Variants in FLVCR1 observed in about 807,000 individuals in gnomAD.
FLVCR1 encodes the protein choline/ethanolamine transporter FLVCR1.
FLVCR1 carries 34 observed loss-of-function variants against 53.6 expected under a neutral mutation model. That is an observed-to-expected ratio of 0.63 (90% CI 0.48 to 0.84). The LOEUF is 0.84. FLVCR1 is among the 40% of genes least tolerant of loss of function. FLVCR1 has a pLI of 0.00. For synonymous variants in FLVCR1, 300 were observed against 286.3 expected (o/e 1.05, Z -0.48); for missense variants, 677 against 696.7 (o/e 0.97, Z 0.32).
chr1:212,876,762 G>A (rs540974647), intron 3 of FLVCR1, among the ~76,000 whole-genome samples: 38 of 152,262 alleles, frequency 2.5e-4, no homozygotes, highest in African/African-American at 8.7e-4. Flanking sequence ...GGTTGATTCC[G>A]TGTCTTTGCT....
intron 3 of FLVCR1, among the ~76,000 whole-genome samples, chr1:212,873,826 C>A (rs141443684): frequency 6.6e-6 from 1 of 152,196 alleles, no homozygotes; most frequent in African/African-American, 2.4e-5. Flanking sequence ...CCAATTAAGT[C>A]CGGACCTAAA....
chr1:212,888,364 A>G lies in FLVCR1; in HGVS notation c.1308-125A>G. 5 of 743,536 alleles carry G rather than the reference A, an allele frequency of 6.7e-6. No homozygotes were observed. The East Asian group carries it at 1.0e-4, about 16-fold the overall frequency. 46.1% of individuals were successfully genotyped at this position (743,536 alleles called of 1,614,324 possible). ...AATGATAATAGTTCCTTACTTTGAC[A>G]TAGCAACTTCAAAATATTCACTTAT... is the stretch of plus-strand genomic sequence containing the variant. On this transcript the variant is annotated intron_variant, in intron 6 of 9. Transcript: ENST00000366971.
chr1:212,868,544 G>T (rs1280064616), intron 2 of FLVCR1, among the ~76,000 whole-genome samples: 1 of 152,184 alleles, frequency 6.6e-6, no homozygotes. Context: ...CGAGTAGCTG[G>T]AATTACAGGC....
At chr1:212,865,001 G>A (rs1471063646) in intron 2 of FLVCR1, among the ~76,000 whole-genome samples, 1 of 151,866 alleles carries the variant, frequency 6.6e-6, no homozygotes, top group Non-Finnish European at 1.5e-5. Context: ...GTTGGTTTTG[G>A]TTTTCAGTTA....
intron 3 of FLVCR1, among the ~76,000 whole-genome samples, chr1:212,874,017 A>AT (rs1407691824): frequency 1.3e-5 from 2 of 151,980 alleles, no homozygotes; most frequent in African/African-American, 2.4e-5. Context: ...CCTGGAATGT[A>AT]TTTTTTTAAG....
chr1:212,882,302 A>T (rs977917842), intron 3 of FLVCR1, among the ~76,000 whole-genome samples: 1 of 152,236 alleles, frequency 6.6e-6, no homozygotes, highest in African/African-American at 2.4e-5. Context: ...TGTACAACAG[A>T]AAACTAATGA....
chr1:212,894,109 G>GC (rs1665272391), intron 8 of FLVCR1, among the ~76,000 whole-genome samples: 3 of 88,240 alleles, frequency 3.4e-5, no homozygotes, highest in Non-Finnish European at 5.5e-5. Context: ...CATGTAGATT[G>GC]ATTTTTTTTT....
intron 1 of FLVCR1, among the ~76,000 whole-genome samples, chr1:212,863,216 A>C (rs1486984804): frequency 1.3e-5 from 2 of 152,214 alleles, no homozygotes; most frequent in Non-Finnish European, 2.9e-5. Flanking sequence ...GATGGTAGGA[A>C]CTCAGTAAAT....
At chr1:212,872,595 T>G (rs1664631424) in intron 2 of FLVCR1, 83 bp from the exon 3 acceptor site, 1 of 913,692 alleles carries the variant, frequency 1.1e-6, no homozygotes, top group Non-Finnish European at 1.7e-6. Context: ...CTAAGAATGA[T>G]ACATATAATT....
intron 3 of FLVCR1, among the ~76,000 whole-genome samples, chr1:212,877,338 G>C (rs1037918281): frequency 1.3e-5 from 2 of 151,646 alleles, no homozygotes; most frequent in East Asian, 1.9e-4. Context: ...ACTCCCTCCC[G>C]AGTAGCTGGG....
rs757411373 is a variant in FLVCR1, at chr1:212,888,485, C to T, written c.1308-4C>T. 6.2e-7 allele frequency: 1 copy of T among 1,603,384 alleles called. No homozygotes were observed. Among genetic ancestry groups the T allele is most frequent in the South Asian group, 1.1e-5 (1 of 90,788 alleles). The stretch of plus-strand genomic sequence containing the variant: ...TTTCTGTAATTCTGGATTTATTTTC[C>T]TAGCTTCTTCATGACTGGTTACCTC... On this transcript the variant is annotated splice_region_variant and splice_polypyrimidine_tract_variant and intron_variant, in intron 6 of 9. Coordinates refer to ENST00000366971, the MANE Select transcript of FLVCR1 (RefSeq NM_014053.4).
chr1:212,870,653 AT>A (rs869077223), intron 2 of FLVCR1, among the ~76,000 whole-genome samples: 1 of 151,946 alleles, frequency 6.6e-6, no homozygotes, highest in African/African-American at 2.4e-5. Context: ...ATTAAAAAAA[AT>A]TTTTTTTCTT....
At chr1:212,873,275 T>C (rs1193888888) in intron 3 of FLVCR1, among the ~76,000 whole-genome samples, 1 of 149,530 alleles carries the variant, frequency 6.7e-6, no homozygotes, top group Non-Finnish European at 1.5e-5. Context: ...ATTGCGCCAC[T>C]GCACTCCAGC....
chr1:212,880,853 A>G (rs1664900801), intron 3 of FLVCR1, among the ~76,000 whole-genome samples: 1 of 152,066 alleles, frequency 6.6e-6, no homozygotes, highest in South Asian at 2.1e-4. Flanking sequence ...GAAACATGAA[A>G]AGTTTATTTC....
At chr1:212,876,993 C>T (rs1664770303) in intron 3 of FLVCR1, among the ~76,000 whole-genome samples, 1 of 152,138 alleles carries the variant, frequency 6.6e-6, no homozygotes, top group African/African-American at 2.4e-5. Flanking sequence ...ACCTTGCCAG[C>T]ATCTGTTGTT....
chr1:212,891,179 C>T (rs1055907782), intron 8 of FLVCR1, among the ~76,000 whole-genome samples: 4 of 152,102 alleles, frequency 2.6e-5, no homozygotes, highest in Admixed American at 1.3e-4. Flanking sequence ...GAGGCTGATA[C>T]AGGTGGATCA....
At chr1:212,895,140 CCGAGT>C (rs1665299961) in intron 9 of FLVCR1, 71 bp from the exon 10 acceptor site, 3 of 1,384,884 alleles carry the variant, frequency 2.2e-6, no homozygotes, top group Middle Eastern at 3.5e-4. Context: ...TATTTTTCTC[CCGAGT>C]CAACTGTTGA....
chr1:212,858,499 A>G lies in FLVCR1; in HGVS notation c.47A>G (p.His16Arg), dbSNP rs1295906760. 2 of 1,446,518 alleles carry G rather than the reference A, an allele frequency of 1.4e-6. No homozygotes were observed. The highest frequency in any genetic ancestry group is 5.5e-5 in the Admixed American group (2 of 36,038). 89.6% of individuals were successfully genotyped at this position (1,446,518 alleles called of 1,614,324 possible). A position where few individuals can be genotyped will look rare whatever the true frequency, so the allele number is the denominator to read the frequency against. The change falls in exon 1 of 10, where the codon CAC becomes CGC. Residue 16 changes from histidine (H) to arginine (R), a missense_variant. Transcript: ENST00000366971. ...DEEGAAVAPG[H>R]PLAKGYLPLP... ...GAGGGGGCGGCGGTGGCGCCCGGACACCCGCTCGCGAAAGGATACCTCCCG... is the reference window on the plus strand; with the variant it reads ...GAGGGGGCGGCGGTGGCGCCCGGACGCCCGCTCGCGAAAGGATACCTCCCG...
chr1:212,885,550 C>CTTTTTT (rs539282150), intron 5 of FLVCR1, 154 bp downstream of exon 5: 31,045 of 289,640 alleles, frequency 0.11, 1,237 homozygotes, highest in East Asian at 0.15. Context: ...ACAAGTGTTT[C>CTTTTTT]TTTTTTTTTT....
Sources: gnomAD v4.1 joint callset for allele counts (sites outside exome capture counted in the v4.1 genomes callset) on GRCh38, gnomAD v4.1.1 for gene constraint, MANE v1.5 for transcripts, NCBI Gene and HGNC (gene_info 2026-07-23, HGNC 2026-07-21) for gene names.